SYNJ1: variants seen among roughly 807,000 people sequenced by gnomAD.
The protein encoded by SYNJ1 is polyphosphatidylinositol phosphatase SYNJ1.
In SYNJ1, 78 loss-of-function variants were observed where a neutral mutation model predicts 168.2. The ratio of observed to expected loss-of-function variants is 0.46; its 90% CI spans 0.39 to 0.56. SYNJ1 has a LOEUF of 0.56. SYNJ1 is among the 20% of genes least tolerant of loss of function. The pLI, the probability that SYNJ1 is intolerant of heterozygous loss-of-function variation, is 0.00. For synonymous variants in SYNJ1, 539 were observed against 548.6 expected (o/e 0.98, Z 0.24); for missense variants, 1,303 against 1,597.6 (o/e 0.82, Z 3.14).
intron 12 of SYNJ1, among the ~76,000 whole-genome samples, chr21:32,677,758 CAA>C (rs1491390079): frequency 6.6e-6 from 1 of 152,134 alleles, no homozygotes. Context: ...AGGCACCATG[CAA>C]ATTCTAAAAT....
At chr21:32,648,674 A>G (rs998228192) in intron 23 of SYNJ1, among the ~76,000 whole-genome samples, 6 of 152,102 alleles carry the variant, frequency 3.9e-5, no homozygotes, top group Non-Finnish European at 7.4e-5. Flanking sequence ...GTATTTCTCC[A>G]TATTCGATTC....
intron 4 of SYNJ1, 137 bp from the exon 5 acceptor site, chr21:32,695,419 T>C: frequency 1.2e-6 from 1 of 834,516 alleles, no homozygotes; most frequent in African/African-American, 1.7e-5. Flanking sequence ...CATTTACATT[T>C]ACTATGCTAG....
intron 32 of SYNJ1, among the ~76,000 whole-genome samples, chr21:32,634,121 G>C (rs1449764284): frequency 6.6e-6 from 1 of 152,152 alleles, no homozygotes; most frequent in Non-Finnish European, 1.5e-5. Flanking sequence ...TGCCAGCTTA[G>C]AACAGAAGTC....
Position 32,630,752 on chromosome 21 carries a change from T to C in SYNJ1, c.*1053A>G, listed in dbSNP as rs1418057108. The C allele has an allele frequency of 2.7e-6, 1 of 365,590 alleles. No homozygotes were observed. The highest frequency in any genetic ancestry group is 2.0e-5 in the African/African-American group (1 of 49,336). The allele number at this position is 365,590 out of a possible 1,614,324, so 22.6% of individuals were successfully genotyped here. On this transcript the variant is annotated 3_prime_UTR_variant, in exon 33 of 33. Transcript: ENST00000674351. ...TTTTCTAAAGTATAAGTACTTTTTA[T>C]GGCTACTACTGTCTCCTATTCATCC...
chr21:32,651,501 A>G (rs2040267934), intron 22 of SYNJ1, among the ~76,000 whole-genome samples: 1 of 152,240 alleles, frequency 6.6e-6, no homozygotes, highest in Admixed American at 6.5e-5. Context: ...TGCCAAGTAG[A>G]TATGAGTACT....
chr21:32,710,462 G>C (rs1181357268), intron 2 of SYNJ1, among the ~76,000 whole-genome samples: 1 of 152,110 alleles, frequency 6.6e-6, no homozygotes, highest in African/African-American at 2.4e-5. Flanking sequence ...AGGGATCAGA[G>C]AAGAACTTTT....
intron 4 of SYNJ1, among the ~76,000 whole-genome samples, chr21:32,697,733 G>A (rs1401897994): frequency 6.6e-6 from 1 of 152,208 alleles, no homozygotes; most frequent in Non-Finnish European, 1.5e-5. Context: ...CCCAGGAGGT[G>A]AAGGTTGCAG....
At chr21:32,694,081 T>C in intron 6 of SYNJ1, 147 bp downstream of exon 6, 1 of 467,914 alleles carries the variant, frequency 2.1e-6, no homozygotes, top group Non-Finnish European at 3.7e-6. Flanking sequence ...AACTCTGTAC[T>C]CGTCTAGACC....
At chr21:32,694,888 A>G (rs1186407256) in intron 5 of SYNJ1, among the ~76,000 whole-genome samples, 169 bp downstream of exon 5, 1 of 152,208 alleles carries the variant, frequency 6.6e-6, no homozygotes, top group Non-Finnish European at 1.5e-5. Context: ...CACCAAAATA[A>G]GTTTTTTTTA....
rs536572904 is a variant in SYNJ1 at position 32,631,012 on chromosome 21, C to A, written c.*793G>T. The A allele has an allele frequency of 1.9e-5, 30 of 1,613,408 alleles. No homozygotes were observed. Among genetic ancestry groups the A allele is most frequent in the African/African-American group, 1.7e-4 (13 of 74,992 alleles). ...GCATGGCGTTATCTTTCTGTAAAGT[C>A]CAGTGTGGGTGAAGCCTTAGAGGCC... On this transcript the variant is annotated 3_prime_UTR_variant, in exon 33 of 33. Transcript: ENST00000674351.
chr21:32,695,193 C>G lies in SYNJ1; in HGVS notation c.569G>C (p.Arg190Thr). The G allele has an allele frequency of 2.5e-6, 4 of 1,614,096 alleles. No individual in the cohort carries two copies. The highest frequency in any genetic ancestry group is 3.4e-6 in the Non-Finnish European group (4 of 1,180,012). The change falls in exon 5 of 33, where the codon AGA becomes ACA. Residue 190 changes from arginine (R) to threonine (T), a missense_variant. Arg to Thr is a moderately conservative substitution (Grantham distance 71). Transcript: ENST00000674351. ...LRLMCGGVEI[R>T]TIYAAHKQAK... ...CTGTTTATGAGCAGCATAAATTGTTCTGATTTCTACTCCTCCACACATAAG... is the reference window on the plus strand; with the variant it reads ...CTGTTTATGAGCAGCATAAATTGTTGTGATTTCTACTCCTCCACACATAAG...
At chr21:32,701,892 C>T (rs1343327050) in intron 3 of SYNJ1, 69 bp downstream of exon 3, 16 of 1,204,218 alleles carry the variant, frequency 1.3e-5, no homozygotes, top group Non-Finnish European at 1.9e-5. Context: ...TAGCTAGTCC[C>T]TCTCAAATCC....
At chr21:32,637,886 T>G (rs543482394) in intron 31 of SYNJ1, among the ~76,000 whole-genome samples, 2 of 152,386 alleles carry the variant, frequency 1.3e-5, no homozygotes, top group South Asian at 2.1e-4. Flanking sequence ...TTTACTTTAA[T>G]ATCTGTTTTC....
intron 16 of SYNJ1, 107 bp downstream of exon 16, chr21:32,666,326 A>T: frequency 6.6e-7 from 1 of 1,505,722 alleles, no homozygotes; most frequent in Non-Finnish European, 8.9e-7. Context: ...TAAAACAAGA[A>T]CTATGGATAG....
chr21:32,645,483 G>C (rs758979820), intron 25 of SYNJ1, among the ~76,000 whole-genome samples, 163 bp downstream of exon 25: 2 of 152,192 alleles, frequency 1.3e-5, no homozygotes, highest in African/African-American at 4.8e-5. Flanking sequence ...ACTCTACCTT[G>C]TCTGTTGCGC....
intron 4 of SYNJ1, among the ~76,000 whole-genome samples, chr21:32,696,682 A>ATT (rs1286342812): frequency 6.6e-6 from 1 of 152,114 alleles, no homozygotes; most frequent in African/African-American, 2.4e-5. Context: ...GGTATAAAAG[A>ATT]TGTAATAGCA....
At chr21:32,693,876 T>A (rs2042113398) in intron 6 of SYNJ1, among the ~76,000 whole-genome samples, 1 of 152,190 alleles carries the variant, frequency 6.6e-6, no homozygotes, top group South Asian at 2.1e-4. Flanking sequence ...CAAGGCTTTG[T>A]TTTATCTACT....
At chr21:32,722,539 G>C (rs2043286957) in intron 2 of SYNJ1, among the ~76,000 whole-genome samples, 1 of 152,066 alleles carries the variant, frequency 6.6e-6, no homozygotes, top group Non-Finnish European at 1.5e-5. Flanking sequence ...GACAGAACAA[G>C]ACTCTGCTCA....
Position 32,666,485 on chromosome 21 carries a change from C to T in SYNJ1, c.1900G>A (p.Val634Met). 6.2e-7 allele frequency: 1 copy of T among 1,614,138 alleles called. No individual in the cohort carries two copies. Among genetic ancestry groups the T allele is most frequent in the Non-Finnish European group, 8.5e-7 (1 of 1,180,008 alleles). Reference protein sequence around the residue: ...KYVLLASEQLVGVCLFVFIRP... With the variant: ...KYVLLASEQLMGVCLFVFIRP... ...ATAAAAACAAACAAACAGACGCCCA[C>T]CAACTGTTCAGAAGCCAGCAGCACA... is the stretch of plus-strand genomic sequence containing the variant. Residue 634 changes from valine to methionine, a missense_variant, in exon 16 of 33, where the codon GTG becomes ATG. By Grantham distance (21) the Val-to-Met change is conservative. Coordinates refer to ENST00000674351, the MANE Select transcript of SYNJ1 (RefSeq NM_203446.3).
Sources: allele counts gnomAD v4.1 joint callset (sites outside exome capture counted in the v4.1 genomes callset), GRCh38; gene constraint gnomAD v4.1.1; transcripts MANE v1.5; gene names NCBI Gene and HGNC (gene_info 2026-07-23, HGNC 2026-07-21).